The following PDCL3 variants were observed in gnomAD, a reference collection of about 807,000 sequenced individuals.
The protein encoded by PDCL3 is phosducin like 3.
PDCL3 carries 22 observed loss-of-function variants against 26.5 expected under a neutral mutation model. That is an observed-to-expected ratio of 0.83 (90% CI 0.59 to 1.19). The LOEUF is 1.19. PDCL3 is among the 50% of genes most tolerant of loss of function. The pLI is 0.00. For missense variants in PDCL3, 246 were observed against 294.1 expected, an observed-to-expected ratio of 0.84 and a Z score of 1.20; for synonymous variants, 81 against 104.9, an observed-to-expected ratio of 0.77 and a Z score of 1.39.
chr2:100,567,682 A>T (rs1312313602), intron 2 of PDCL3, among the ~76,000 whole-genome samples: 11 of 152,140 alleles, frequency 7.2e-5, no homozygotes, highest in Non-Finnish European at 2.9e-5. Flanking sequence ...ATGGCTGGGA[A>T]TCCCTGAGGA....
chr2:100,566,775 A>G (rs1675069872), intron 2 of PDCL3, 146 bp downstream of exon 2: 5 of 1,178,878 alleles, frequency 4.2e-6, no homozygotes, highest in Non-Finnish European at 4.7e-6. Context: ...GGCGTCTCTC[A>G]CCTTCACCTT....
At chr2:100,563,147 G>C in intron 1 of PDCL3, 74 bp downstream of exon 1, 4 of 1,518,554 alleles carry the variant, frequency 2.6e-6, no homozygotes, top group South Asian at 1.2e-5. Context: ...GCGGGCAGTG[G>C]ACGCCCGCCC....
At chr2:100,565,013 G>A (rs1460615465) in intron 1 of PDCL3, among the ~76,000 whole-genome samples, 1 of 152,204 alleles carries the variant, frequency 6.6e-6, no homozygotes, top group Admixed American at 6.5e-5. Context: ...TGTCAGCCAA[G>A]CCTCATCTGC....
At chr2:100,573,992 G>T (rs12615491) in intron 5 of PDCL3, among the ~76,000 whole-genome samples, 35,982 of 151,110 alleles carry the variant, frequency 0.24, 4,561 homozygotes, top group East Asian at 0.44. Context: ...TATATATATA[G>T]AGAGAGATAT....
chr2:100,569,771 C>T, intron 4 of PDCL3, 50 bp downstream of exon 4: 2 of 1,578,300 alleles, frequency 1.3e-6, no homozygotes, highest in East Asian at 2.3e-5. Context: ...GAATTTATGT[C>T]TTCAGGATCT....
intron 5 of PDCL3, among the ~76,000 whole-genome samples, chr2:100,573,872 T>C (rs1212025732): frequency 6.6e-6 from 1 of 152,160 alleles, no homozygotes; most frequent in Non-Finnish European, 1.5e-5. Context: ...CAATTGTTTT[T>C]ATTTCTAAAA....
At chr2:100,569,077 G>GTTT in intron 3 of PDCL3, 56 bp downstream of exon 3, 4 of 1,315,108 alleles carry the variant, frequency 3.0e-6, no homozygotes, top group Non-Finnish European at 4.2e-6. Flanking sequence ...TTTTGTTTTG[G>GTTT]TTTTTTTTTT....
chr2:100,576,616 T>C lies in PDCL3; in HGVS notation c.*120T>C. The C allele has an allele frequency of 9.3e-7, 1 of 1,079,288 alleles. No individual in the cohort carries two copies. Among genetic ancestry groups the C allele is most frequent in the Non-Finnish European group, 1.2e-6 (1 of 831,836 alleles). The allele number at this position is 1,079,288 out of a possible 1,614,324, so 66.9% of individuals were successfully genotyped here. ...AGTTTTGTATAAATTATGTTTCAAATCTTTACATTTTGGAAATAATCATTG... is the reference window on the plus strand; with the variant it reads ...AGTTTTGTATAAATTATGTTTCAAACCTTTACATTTTGGAAATAATCATTG... On this transcript the variant is annotated 3_prime_UTR_variant, in exon 6 of 6. Transcript: ENST00000264254.
At chr2:100,575,236 C>T (rs140886718) in intron 5 of PDCL3, among the ~76,000 whole-genome samples, 47 of 152,260 alleles carry the variant, frequency 3.1e-4, no homozygotes, top group South Asian at 8.3e-4. Context: ...CCCACGTTCA[C>T]ACCATTCTCC....
Position 100,568,938 on chromosome 2 carries a change from A to G in PDCL3, c.141A>G (p.Thr47=), listed in dbSNP as rs754363401. 1.2e-6 allele frequency: 2 copies of G among 1,613,368 alleles called. No homozygotes were observed. ...CAATGTAACCAAATTCAGTGAAAAC[A>G]TATGAAGATATGACTTTGGAAGAGC... is the stretch of plus-strand genomic sequence containing the variant. ...QRILQQSVVK[T]YEDMTLEELE... is the part of the protein sequence containing the mutation. Residue 47 remains threonine (T), a synonymous_variant, in exon 3 of 6, where the codon ACA becomes ACG. Coordinates refer to ENST00000264254, the MANE Select transcript of PDCL3 (RefSeq NM_024065.5).
chr2:100,573,395 C>T (rs1032862219), intron 5 of PDCL3, among the ~76,000 whole-genome samples: 16 of 151,770 alleles, frequency 1.1e-4, no homozygotes, highest in South Asian at 1.1e-3. Flanking sequence ...ATCTGGCGGC[C>T]GGGTGCGGTG....
chr2:100,575,364 A>T (rs9653465), intron 5 of PDCL3, among the ~76,000 whole-genome samples: 4,225 of 152,112 alleles, frequency 0.028, 154 homozygotes, highest in African/African-American at 0.082. Context: ...CTCGATCTCC[A>T]GACTTCGTGA....
intron 2 of PDCL3, 124 bp from the exon 3 acceptor site, chr2:100,568,807 T>C: frequency 1.4e-6 from 1 of 733,882 alleles, no homozygotes; most frequent in Non-Finnish European, 2.3e-6. Context: ...TAATTTTTGT[T>C]TAGGTAGGCT....
At chr2:100,573,173 G>A (rs1348921782) in intron 5 of PDCL3, among the ~76,000 whole-genome samples, 2 of 151,886 alleles carry the variant, frequency 1.3e-5, no homozygotes, top group South Asian at 2.1e-4. Flanking sequence ...GTGAGCCACC[G>A]CGCCCGGCTG....
At chr2:100,572,086 C>T (rs1573282657) in intron 5 of PDCL3, 1 of 368,940 alleles carries the variant, frequency 2.7e-6, no homozygotes. Context: ...GTTTTTGTAG[C>T]TTGAAATCAC....
intron 5 of PDCL3, 163 bp downstream of exon 5, chr2:100,571,961 T>C: frequency 1.5e-6 from 1 of 663,092 alleles, no homozygotes; most frequent in Non-Finnish European, 2.6e-6. Context: ...AGTTGCGTAA[T>C]CAGGAACAGT....
intron 2 of PDCL3, among the ~76,000 whole-genome samples, chr2:100,568,588 G>A (rs182037707): frequency 2.6e-5 from 4 of 152,246 alleles, no homozygotes; most frequent in South Asian, 4.1e-4. Flanking sequence ...AGTCAAGATC[G>A]CACCATTGCA....
chr2:100,565,817 C>A (rs953061443), intron 1 of PDCL3, among the ~76,000 whole-genome samples: 1 of 152,138 alleles, frequency 6.6e-6, no homozygotes, highest in African/African-American at 2.4e-5. Flanking sequence ...AGGTGACTCT[C>A]GCATTCACCA....
rs1675132236 is a variant in PDCL3 at position 100,569,817 on chromosome 2, T to C, written c.368+96T>C. On this transcript the variant is annotated intron_variant, in intron 4 of 5. Transcript: ENST00000264254. ...CTATATCAGAGGGTTAAGAAATTTT[T>C]TTTTCTGGGCCAGGCGCAGTAGCTC... 6.9e-6 allele frequency: 10 copies of C among 1,452,556 alleles called. No homozygotes were observed. In the South Asian group the frequency reaches 1.2e-4, roughly 17 times the overall value. 90.0% of individuals were successfully genotyped at this position (1,452,556 alleles called of 1,614,324 possible). A position where few individuals can be genotyped will look rare whatever the true frequency, so the allele number is the denominator to read the frequency against.
Sources: gnomAD v4.1 joint callset for allele counts (sites outside exome capture counted in the v4.1 genomes callset) on GRCh38, gnomAD v4.1.1 for gene constraint, MANE v1.5 for transcripts, NCBI Gene and HGNC (gene_info 2026-07-23, HGNC 2026-07-21) for gene names.